The following INSC variants were observed in gnomAD, a reference collection of about 807,000 sequenced individuals.
The protein encoded by INSC is protein inscuteable homolog.
In INSC, 67 loss-of-function variants were observed where a neutral mutation model predicts 58.6. The ratio of observed to expected loss-of-function variants is 1.14; its 90% CI spans 0.94 to 1.40. INSC has a LOEUF of 1.40. Among genes scored for constraint, INSC ranks in the 40% most tolerant of loss-of-function variants. The pLI is 0.00. For synonymous variants in INSC, 262 were observed against 276.1 expected, an observed-to-expected ratio of 0.95 and a Z score of 0.51; for missense variants, 714 against 692.0, an observed-to-expected ratio of 1.03 and a Z score of -0.36.
chr11:15,244,196 A>G (rs1001093865), intron 12 of INSC, among the ~76,000 whole-genome samples: 11 of 152,134 alleles, frequency 7.2e-5, no homozygotes, highest in Admixed American at 7.2e-4. Flanking sequence ...ACTCAGGGAA[A>G]ATGGGGTTAT....
intron 7 of INSC, among the ~76,000 whole-genome samples, chr11:15,205,167 G>A (rs1183611417): frequency 6.6e-6 from 1 of 152,204 alleles, no homozygotes; most frequent in Admixed American, 6.5e-5. Flanking sequence ...CATGAAGCCA[G>A]GGGTTCCAGG....
intron 6 of INSC, among the ~76,000 whole-genome samples, chr11:15,197,385 A>G (rs941077225): frequency 3.3e-5 from 5 of 152,128 alleles, no homozygotes; most frequent in African/African-American, 1.2e-4. Flanking sequence ...AAGATGGGAG[A>G]CTAATTCCTC....
At chr11:15,158,169 C>T (rs1848883120) in intron 2 of INSC, among the ~76,000 whole-genome samples, 2 of 151,968 alleles carry the variant, frequency 1.3e-5, no homozygotes, top group Admixed American at 1.3e-4. Flanking sequence ...TAGGATTTAA[C>T]CTGGCTGTGA....
intron 10 of INSC, among the ~76,000 whole-genome samples, chr11:15,238,326 T>A (rs1248203451): frequency 6.6e-6 from 1 of 152,186 alleles, no homozygotes; most frequent in African/African-American, 2.4e-5. Context: ...AAACATTTGA[T>A]CTAGTCAATA....
At chr11:15,190,444 T>A (rs1282438757) in intron 5 of INSC, among the ~76,000 whole-genome samples, 1 of 152,240 alleles carries the variant, frequency 6.6e-6, no homozygotes, top group South Asian at 2.1e-4. Context: ...TCTGAGGGAC[T>A]AGGGCAAGGC....
At chr11:15,177,251 G>A in intron 4 of INSC, 88 bp downstream of exon 4, 1 of 962,148 alleles carries the variant, frequency 1.0e-6, no homozygotes, top group Non-Finnish European at 1.7e-6. Flanking sequence ...AGGGAGAATG[G>A]GAATGGGAGG....
chr11:15,142,807 G>GT (rs532681151), intron 1 of INSC, among the ~76,000 whole-genome samples: 463 of 149,810 alleles, frequency 3.1e-3, no homozygotes, highest in African/African-American at 0.011. Flanking sequence ...TTTTTTTTTT[G>GT]TTTTTTTGTA....
chr11:15,217,361 C>T (rs967130128), intron 7 of INSC, among the ~76,000 whole-genome samples: 1 of 152,174 alleles, frequency 6.6e-6, no homozygotes, highest in Non-Finnish European at 1.5e-5. Context: ...ATGGGAACTA[C>T]AGTTCAAGGT....
chr11:15,263,991 G>A, the INSC span, among the ~76,000 whole-genome samples: 3 of 151,350 alleles, frequency 2.0e-5, no homozygotes, highest in South Asian at 2.1e-4. Context: ...ATTCTGCTGC[G>A]GCTACTGCTG....
chr11:15,253,626 C>T, the INSC span, among the ~76,000 whole-genome samples: 1 of 124,122 alleles, frequency 8.1e-6, no homozygotes, highest in Non-Finnish European at 1.6e-5. Context: ...CAAAGATTTG[C>T]AGGGTCTTTT....
At chr11:15,126,238 C>T (rs1847991438) in intron 1 of INSC, among the ~76,000 whole-genome samples, 1 of 151,982 alleles carries the variant, frequency 6.6e-6, no homozygotes, top group South Asian at 2.1e-4. Context: ...TTGTGTGAAC[C>T]TGCTTGGCCT....
At chr11:15,238,578 A>C (rs2156827) in intron 10 of INSC, among the ~76,000 whole-genome samples, 80,533 of 151,946 alleles carry the variant, frequency 0.53, 21,975 homozygotes, top group East Asian at 0.74. Flanking sequence ...ATGGAATTGT[A>C]ATGGTACCTA....
At chr11:15,155,249 T>C (rs1460810996) in intron 2 of INSC, among the ~76,000 whole-genome samples, 7 of 152,202 alleles carry the variant, frequency 4.6e-5, no homozygotes, top group Admixed American at 1.3e-4. Flanking sequence ...GTTTCTTCTG[T>C]TTGAAACTCT....
At chr11:15,237,288 C>A (rs1852168259) in intron 10 of INSC, among the ~76,000 whole-genome samples, 1 of 152,140 alleles carries the variant, frequency 6.6e-6, no homozygotes, top group Non-Finnish European at 1.5e-5. Flanking sequence ...GGGAGGTTGG[C>A]ATGGTGGTTG....
chr11:15,127,267 G>A (rs1848018668), intron 1 of INSC, among the ~76,000 whole-genome samples: 1 of 152,202 alleles, frequency 6.6e-6, no homozygotes, highest in African/African-American at 2.4e-5. Flanking sequence ...TTTTCTTGCT[G>A]TCCTAAGAAG....
At chr11:15,264,610 C>T in the INSC span, among the ~76,000 whole-genome samples, 1 of 150,114 alleles carries the variant, frequency 6.7e-6, no homozygotes, top group Non-Finnish European at 1.5e-5. Context: ...ATCTTTTGAT[C>T]TTCCCTTTTG....
chr11:15,266,322 A>G, the INSC span, among the ~76,000 whole-genome samples: 1 of 152,002 alleles, frequency 6.6e-6, no homozygotes, highest in Non-Finnish European at 1.5e-5. Context: ...ACCAGAATAA[A>G]AACATTTCCA....
chr11:15,112,499 G>A (rs371828202), upstream of INSC: 406 of 1,612,324 alleles, frequency 2.5e-4, no homozygotes, highest in Non-Finnish European at 3.1e-4. Flanking sequence ...ATGGAGAGGC[G>A]GCCAGCGAAG....
intron 6 of INSC, among the ~76,000 whole-genome samples, chr11:15,200,482 T>C (rs1162722796): frequency 6.6e-6 from 1 of 152,020 alleles, no homozygotes; most frequent in African/African-American, 2.4e-5. Context: ...GGGAGGCTGC[T>C]CCAAGGGAGT....
Sources: gnomAD v4.1 joint callset for allele counts (sites outside exome capture counted in the v4.1 genomes callset) on GRCh38, gnomAD v4.1.1 for gene constraint, MANE v1.5 for transcripts, NCBI Gene and HGNC (gene_info 2026-07-23, HGNC 2026-07-21) for gene names.